TGFA: variants seen among roughly 807,000 people sequenced by gnomAD.
TGFA encodes protransforming growth factor alpha.
In TGFA, 12 loss-of-function variants were observed where a neutral mutation model predicts 21.7. That is an observed-to-expected ratio of 0.55 (90% CI 0.35 to 0.90). TGFA has a LOEUF of 0.90. Ranked by LOEUF, TGFA falls within the 40% of genes least tolerant of loss-of-function variation. The probability of loss-of-function intolerance (pLI) is 0.01; values close to 1 mark genes in which losing one functional copy is unlikely to be tolerated. For missense variants in TGFA, 178 were observed against 210.8 expected (o/e 0.84, Z 0.96); for synonymous variants, 79 against 88.1 (o/e 0.90, Z 0.58).
intron 1 of TGFA, among the ~76,000 whole-genome samples, chr2:70,543,260 G>C (rs1673188633): frequency 6.6e-6 from 1 of 151,878 alleles, no homozygotes; most frequent in African/African-American, 2.4e-5. Context: ...TGGCATGGTG[G>C]CTCATGCCCG....
intron 5 of TGFA, among the ~76,000 whole-genome samples, chr2:70,451,489 C>T (rs1670056953): frequency 6.6e-6 from 1 of 152,150 alleles, no homozygotes. Context: ...TTGTGATATG[C>T]ACCATCTGAG....
intron 1 of TGFA, among the ~76,000 whole-genome samples, chr2:70,549,416 C>A (rs114464115): frequency 2.1e-4 from 32 of 152,190 alleles, no homozygotes; most frequent in African/African-American, 7.7e-4. Context: ...TGCCCTTTCC[C>A]CATCAGCAAC....
intron 5 of TGFA, among the ~76,000 whole-genome samples, chr2:70,451,288 G>GGCTGGGCCCTGAGGGTATC (rs1185152478): frequency 6.6e-6 from 1 of 152,196 alleles, no homozygotes; most frequent in East Asian, 1.9e-4. Flanking sequence ...ATTTTTCAAT[G>GGCTGGGCCCTGAGGGTATC]GCTGGGCCCT....
chr2:70,474,899 A>T (rs1553493898), intron 2 of TGFA, among the ~76,000 whole-genome samples: 1 of 152,136 alleles, frequency 6.6e-6, no homozygotes, highest in Admixed American at 6.5e-5. Context: ...AAACAAAGAT[A>T]TTGGTAAAGA....
Position 70,544,088 on chromosome 2 carries a change from T to C in TGFA, c.40+9640A>G, listed in dbSNP as rs72912104. ...ACAAAACAAAAAATGCCAACTCTTT[T>C]AGTAAATTATGATGAGAAACATATT... On this transcript the variant is annotated intron_variant, in intron 1 of 5. Coordinates refer to ENST00000295400, the MANE Select transcript of TGFA (RefSeq NM_003236.4). Among the ~76,000 whole-genome samples the C allele has an allele frequency of 9.5e-3, 1,452 of 152,232 alleles. 21 individuals are homozygous for C. Among genetic ancestry groups the C allele is most frequent in the African/African-American group, 0.033 (1,380 of 41,564 alleles).
chr2:70,463,634 C>A lies in TGFA; in HGVS notation c.215+1982G>T, dbSNP rs138254794. On this transcript the variant is annotated intron_variant, in intron 3 of 5. Coordinates refer to ENST00000295400, the MANE Select transcript of TGFA (RefSeq NM_003236.4). Reference sequence around the variant, plus strand: ...TGGGTCAGAACTTGGTAAAGACCTGCCCTTTTTCTCCAAAGAGGATTCTCT... The same window carrying A: ...TGGGTCAGAACTTGGTAAAGACCTGACCTTTTTCTCCAAAGAGGATTCTCT... Among the ~76,000 whole-genome samples the A allele has an allele frequency of 2.6e-5, 4 of 152,270 alleles. No individual in the cohort carries two copies. The East Asian group carries it at 7.7e-4, about 29-fold the overall frequency.
At chr2:70,507,245 C>A (rs977391936) in intron 2 of TGFA, among the ~76,000 whole-genome samples, 1 of 152,232 alleles carries the variant, frequency 6.6e-6, no homozygotes, top group African/African-American at 2.4e-5. Flanking sequence ...GGCCAACAGA[C>A]CTGCAGGGCA....
chr2:70,500,972 A>C (rs1184232692), intron 2 of TGFA, among the ~76,000 whole-genome samples: 2 of 29,028 alleles, frequency 6.9e-5, no homozygotes, highest in Admixed American at 3.4e-4. Context: ...GCCATCTCCA[A>C]AAAAAAAAAA....
rs1673571822 is a variant in TGFA, at chr2:70,553,252, C to T, written c.40+476G>A. On this transcript the variant is annotated intron_variant, in intron 1 of 5. Coordinates refer to ENST00000295400, the MANE Select transcript of TGFA (RefSeq NM_003236.4). ...GCCGATCTTGAACATCTCTGCTCGT[C>T]GCTGGGGCTTAGAGGTGGGCAGGGG... 2.6e-6 allele frequency: 4 copies of T among 1,536,164 alleles called. No individual in the cohort carries two copies. In the East Asian group the frequency reaches 9.8e-5, roughly 38 times the overall value.
In TGFA at chr2:70,504,404, T is replaced by C. The variant is rs577347551; in HGVS notation, c.94+10455A>G. On this transcript the variant is annotated intron_variant, in intron 2 of 5. Transcript: ENST00000295400. Reference sequence around the variant, plus strand: ...CAGCCTGGGCAACAGAGCAAGACTCTGTACCAAAACCAAAAACAAAACAAA... The same window carrying C: ...CAGCCTGGGCAACAGAGCAAGACTCCGTACCAAAACCAAAAACAAAACAAA... Among the ~76,000 whole-genome samples, 602 of 123,516 alleles carry C rather than the reference T, an allele frequency of 4.9e-3. 3 individuals are homozygous for C. The highest frequency in any genetic ancestry group is 0.016 in the African/African-American group (570 of 35,722). The allele number at this position is 123,516 out of a possible 152,430, so 81.0% of individuals were successfully genotyped here. A position where few individuals can be genotyped will look rare whatever the true frequency, so the allele number is the denominator to read the frequency against.
chr2:70,454,618 G>A (rs1553490197), intron 4 of TGFA, among the ~76,000 whole-genome samples: 1 of 152,218 alleles, frequency 6.6e-6, no homozygotes, highest in Non-Finnish European at 1.5e-5. Flanking sequence ...AAGGCCTCTA[G>A]ATCCCTCCAG....
At chr2:70,465,526 T>C (rs1670529163) in intron 3 of TGFA, 90 bp downstream of exon 3, 6 of 1,535,128 alleles carry the variant, frequency 3.9e-6, no homozygotes, top group Non-Finnish European at 5.3e-6. Context: ...TCTCGGAGCC[T>C]CTGGCAAGTC....
chr2:70,457,543 TTC>T (rs1553490764), intron 3 of TGFA, among the ~76,000 whole-genome samples: 1 of 131,966 alleles, frequency 7.6e-6, no homozygotes, highest in African/African-American at 2.7e-5. Context: ...CAGGCGGGAC[TTC>T]TTTTTTTTTT....
chr2:70,506,421 A>G (rs1014133936), intron 2 of TGFA, among the ~76,000 whole-genome samples: 8 of 152,228 alleles, frequency 5.3e-5, no homozygotes, highest in African/African-American at 1.9e-4. Flanking sequence ...CTAAAAATGC[A>G]GATTTCTGGA....
intron 2 of TGFA, among the ~76,000 whole-genome samples, chr2:70,467,024 TC>T (rs1362737113): frequency 2.0e-5 from 3 of 150,790 alleles, no homozygotes; most frequent in Non-Finnish European, 1.5e-5. Context: ...GGGAGTGTTC[TC>T]CCCCCATACC....
intron 2 of TGFA, among the ~76,000 whole-genome samples, chr2:70,503,082 A>G (rs1483702742): frequency 6.6e-6 from 1 of 152,156 alleles, no homozygotes; most frequent in South Asian, 2.1e-4. Context: ...GGTTATATAC[A>G]CAAAGGATTA....
chr2:70,497,770 A>C (rs1553498549), intron 2 of TGFA, among the ~76,000 whole-genome samples: 1 of 152,214 alleles, frequency 6.6e-6, no homozygotes, highest in Non-Finnish European at 1.5e-5. Flanking sequence ...ACCAGTAAGA[A>C]TCATTTTACA....
intron 2 of TGFA, among the ~76,000 whole-genome samples, chr2:70,474,130 C>T (rs1391289933): frequency 6.6e-6 from 1 of 152,142 alleles, no homozygotes; most frequent in Non-Finnish European, 1.5e-5. Context: ...TAGATCCTAC[C>T]CACCCCTCCA....
intron 2 of TGFA, among the ~76,000 whole-genome samples, chr2:70,487,657 T>A (rs1671306615): frequency 6.6e-6 from 1 of 152,214 alleles, no homozygotes; most frequent in African/African-American, 2.4e-5. Flanking sequence ...GGATTAGGGA[T>A]GCTTAGTCTG....
Sources: allele counts gnomAD v4.1 joint callset (sites outside exome capture counted in the v4.1 genomes callset), GRCh38; gene constraint gnomAD v4.1.1; transcripts MANE v1.5; gene names NCBI Gene and HGNC (gene_info 2026-07-23, HGNC 2026-07-21).